Variants in SPPL3 observed in about 807,000 individuals in gnomAD.
SPPL3 encodes the protein signal peptide peptidase like 3, also known as signal peptide peptidase-like 3.
Under a neutral mutation model 42.4 loss-of-function variants are expected in SPPL3, and 5 were observed. That is an observed-to-expected ratio of 0.12 (90% confidence interval 0.06 to 0.25). The LOEUF (loss-of-function observed/expected upper bound fraction) is 0.25, where lower values mean the gene tolerates loss of function less well. SPPL3 is among the 10% of genes least tolerant of loss of function. The pLI, the probability that SPPL3 is intolerant of heterozygous loss-of-function variation, is 1.00. For missense variants in SPPL3, 235 were observed against 489.0 expected (o/e 0.48, Z 4.90); for synonymous variants, 195 against 181.8 (o/e 1.07, Z -0.58).
At chr12:120,840,040 G>C (rs918894440) in intron 1 of SPPL3, among the ~76,000 whole-genome samples, 5 of 152,026 alleles carry the variant, frequency 3.3e-5, no homozygotes, top group African/African-American at 1.2e-4. Context: ...AGACACTTTG[G>C]GAGGCCGAGG....
chr12:120,824,394 A>G (rs1242549066), intron 1 of SPPL3, among the ~76,000 whole-genome samples: 1 of 152,190 alleles, frequency 6.6e-6, no homozygotes, highest in Non-Finnish European at 1.5e-5. Flanking sequence ...TGATTTGGCT[A>G]TATTTTTCAC....
chr12:120,776,899 T>C (rs181180052), intron 6 of SPPL3, among the ~76,000 whole-genome samples: 1 of 152,332 alleles, frequency 6.6e-6, no homozygotes, highest in East Asian at 1.9e-4. Context: ...TGTCATAATA[T>C]GGGCTTTGCA....
At chr12:120,820,800 T>C (rs1871042652) in intron 1 of SPPL3, among the ~76,000 whole-genome samples, 1 of 151,856 alleles carries the variant, frequency 6.6e-6, no homozygotes, top group Non-Finnish European at 1.5e-5. Context: ...GTAAATAAAA[T>C]AGTTACTTAA....
intron 6 of SPPL3, among the ~76,000 whole-genome samples, chr12:120,774,506 T>A (rs771514700): frequency 2.0e-5 from 3 of 152,168 alleles, no homozygotes; most frequent in African/African-American, 4.8e-5. Flanking sequence ...CTTCTCTCCA[T>A]CTGCGTTAAG....
rs564662474 is a variant in SPPL3 at position 120,786,002 on chromosome 12, A to C, written c.191-1409T>G. Among the ~76,000 whole-genome samples, 377 of 152,150 alleles carry C rather than the reference A, an allele frequency of 2.5e-3. 5 individuals carry two copies. Among genetic ancestry groups the C allele is most frequent in the African/African-American group, 8.8e-3 (364 of 41,500 alleles). On this transcript the variant is annotated intron_variant, in intron 3 of 10. Transcript: ENST00000353487. ...ACCAGGATAAACATAGCAAGACACA[A>C]AGGGTTACAATGATCAACAAAATTT... is the stretch of plus-strand genomic sequence containing the variant.
intron 10 of SPPL3, among the ~76,000 whole-genome samples, chr12:120,765,560 G>A (rs1868857592): frequency 6.6e-6 from 1 of 152,114 alleles, no homozygotes; most frequent in South Asian, 2.1e-4. Context: ...TTACAGGCGT[G>A]AGCCACCATG....
intron 1 of SPPL3, among the ~76,000 whole-genome samples, chr12:120,813,258 T>C (rs564781047): frequency 2.0e-4 from 30 of 151,356 alleles, no homozygotes; most frequent in African/African-American, 7.3e-4. Flanking sequence ...AAATAAGACA[T>C]ATAATAAACT....
At chr12:120,862,068 A>T (rs1462128204) in intron 1 of SPPL3, among the ~76,000 whole-genome samples, 1 of 152,216 alleles carries the variant, frequency 6.6e-6, no homozygotes. Flanking sequence ...GTAGTTTTCA[A>T]ACTTTTTAGT....
At chr12:120,788,493 T>C (rs1195153431) in intron 3 of SPPL3, among the ~76,000 whole-genome samples, 1 of 152,204 alleles carries the variant, frequency 6.6e-6, no homozygotes, top group Admixed American at 6.5e-5. Flanking sequence ...ACATGGCCCA[T>C]CTAACCCTCT....
intron 1 of SPPL3, among the ~76,000 whole-genome samples, chr12:120,897,342 T>G (rs1015484654): frequency 1.3e-5 from 2 of 152,210 alleles, no homozygotes; most frequent in African/African-American, 4.8e-5. Flanking sequence ...ATTCATGGGG[T>G]TAACTTTGGC....
chr12:120,892,225 C>G (rs1160171761), intron 1 of SPPL3, among the ~76,000 whole-genome samples: 1 of 152,108 alleles, frequency 6.6e-6, no homozygotes, highest in African/African-American at 2.4e-5. Flanking sequence ...ATCTGTAGGT[C>G]CTTGCACCAT....
At chr12:120,841,386 A>G (rs1180636711) in intron 1 of SPPL3, among the ~76,000 whole-genome samples, 2 of 151,960 alleles carry the variant, frequency 1.3e-5, no homozygotes, top group Non-Finnish European at 2.9e-5. Flanking sequence ...TTTATTATTC[A>G]TCAGTTTTCT....
intron 1 of SPPL3, among the ~76,000 whole-genome samples, chr12:120,817,165 C>T (rs1002185709): frequency 2.6e-5 from 4 of 151,196 alleles, no homozygotes; most frequent in Admixed American, 6.6e-5. Flanking sequence ...CACGGTGGGG[C>T]GCGCCTGTAG....
In SPPL3 at chr12:120,782,728, C is replaced by T. The variant is rs760877964; in HGVS notation, c.429G>A (p.Glu143=). 152 of 1,609,972 alleles carry T rather than the reference C, an allele frequency of 9.4e-5. No individual in the cohort carries two copies. Among genetic ancestry groups the T allele is most frequent in the Non-Finnish European group, 1.3e-4 (149 of 1,177,826 alleles). Residue 143 remains glutamate (E), a synonymous_variant, in exon 6 of 11, where the codon GAG becomes GAA. Coordinates refer to ENST00000353487, the MANE Select transcript of SPPL3 (RefSeq NM_139015.5). ...FGCCGRFTAA[E]LLSFSLSVML... ...TGACAGACAGAGAGAATGACAGCAA[C>T]TCAGCAGCAGTGAAACGTCCACAGC...
rs73222688 is a variant in SPPL3 at position 120,893,602 on chromosome 12, C to G, written c.23+10243G>C. Reference sequence around the variant, plus strand: ...GGGCTTCCACCCCCACTACTCTGATCTTAGCAGTGCACTCTCAGTAATGAC... The same window carrying G: ...GGGCTTCCACCCCCACTACTCTGATGTTAGCAGTGCACTCTCAGTAATGAC... On this transcript the variant is annotated intron_variant, in intron 1 of 10. Transcript: ENST00000353487. 9.3e-3 allele frequency among the ~76,000 whole-genome samples: 1,410 copies of G among 152,216 alleles called. 11 individuals are homozygous for G. The highest frequency in any genetic ancestry group is 0.016 in the Non-Finnish European group (1,060 of 68,014).
chr12:120,777,560 T>C (rs1869367340), intron 6 of SPPL3, among the ~76,000 whole-genome samples: 1 of 152,218 alleles, frequency 6.6e-6, no homozygotes, highest in African/African-American at 2.4e-5. Flanking sequence ...CTAGTCCTTA[T>C]AGAATCAGCA....
At chr12:120,864,729 C>A (rs1872710666) in intron 1 of SPPL3, among the ~76,000 whole-genome samples, 1 of 152,120 alleles carries the variant, frequency 6.6e-6, no homozygotes, top group Non-Finnish European at 1.5e-5. Context: ...GTAACTCAAC[C>A]CTACAGGTGC....
intron 1 of SPPL3, among the ~76,000 whole-genome samples, chr12:120,888,613 C>T (rs1873538211): frequency 6.6e-6 from 1 of 152,030 alleles, no homozygotes; most frequent in South Asian, 2.1e-4. Flanking sequence ...TCCGTAGAGG[C>T]CAAAAGCAGA....
intron 5 of SPPL3, among the ~76,000 whole-genome samples, chr12:120,783,017 A>G (rs679833): frequency 0.81 from 122,517 of 152,176 alleles, 50,054 homozygotes; most frequent in African/African-American, 0.94. Context: ...TGATAATATT[A>G]ACCTCTGGAA....
Sources: gnomAD v4.1 joint callset for allele counts (sites outside exome capture counted in the v4.1 genomes callset) on GRCh38, gnomAD v4.1.1 for gene constraint, MANE v1.5 for transcripts, NCBI Gene and HGNC (gene_info 2026-07-23, HGNC 2026-07-21) for gene names.